ARL9: variants seen among roughly 807,000 people sequenced by gnomAD.
ARL9 encodes ADP-ribosylation factor-like protein 9.
ARL9 carries 14 observed loss-of-function variants against 27.0 expected under a neutral mutation model. That is an observed-to-expected ratio of 0.52 (90% CI 0.34 to 0.81). ARL9 has a LOEUF of 0.81. ARL9 is among the 30% of genes least tolerant of loss of function. ARL9 has a pLI of 0.01. For synonymous variants in ARL9, 106 were observed against 108.7 expected (o/e 0.98, Z 0.15); for missense variants, 294 against 290.0 (o/e 1.01, Z -0.10).
chr4:56,506,324 C>T (rs1437344518), intron 1 of ARL9, among the ~76,000 whole-genome samples, 183 bp downstream of exon 1: 4 of 152,156 alleles, frequency 2.6e-5, no homozygotes, highest in Non-Finnish European at 4.4e-5. Context: ...CCCCTTTTCC[C>T]GGGCCCCCTG....
At chr4:56,512,747 G>A (rs1187849627) in intron 2 of ARL9, among the ~76,000 whole-genome samples, 1 of 151,776 alleles carries the variant, frequency 6.6e-6, no homozygotes, top group Non-Finnish European at 1.5e-5. Flanking sequence ...TCACCATGTT[G>A]GCCAGGCTGG....
chr4:56,519,340 G>A (rs754420171), intron 3 of ARL9, among the ~76,000 whole-genome samples: 3 of 152,170 alleles, frequency 2.0e-5, no homozygotes, highest in Non-Finnish European at 2.9e-5. Context: ...GGCTGGGCAC[G>A]GTGGCTCACG....
Position 56,506,040 on chromosome 4 carries a change from C to A in ARL9, c.178C>A (p.Gln60Lys). The change falls in exon 1 of 4, where the codon CAA (glutamine) becomes AAA (lysine). Residue 60 changes from glutamine (Q) to lysine (K), a missense_variant. Physicochemically the swap from Gln to Lys is moderately conservative, Grantham distance 53 (BLOSUM62 1). Transcript: ENST00000640821. ...GKEKEEKRTK[Q>K]GKETNKEKEQ... Reference sequence around the variant, plus strand: ...AGAGAAAGAGGAAAAGAGGACAAAGCAAGGGAAGGAGACAAACAAAGAGAA... The same window carrying A: ...AGAGAAAGAGGAAAAGAGGACAAAGAAAGGGAAGGAGACAAACAAAGAGAA... The A allele has an allele frequency of 8.1e-7, 1 of 1,228,512 alleles. No individual in the cohort carries two copies. Among genetic ancestry groups the A allele is most frequent in the Non-Finnish European group, 1.0e-6 (1 of 983,974 alleles). 76.1% of individuals were successfully genotyped at this position (1,228,512 alleles called of 1,614,324 possible). A position where few individuals can be genotyped will look rare whatever the true frequency, so the allele number is the denominator to read the frequency against.
In ARL9 at chr4:56,523,912, A is replaced by G; in HGVS notation, c.*36A>G. On this transcript the variant is annotated 3_prime_UTR_variant, in exon 4 of 4. Coordinates refer to ENST00000640821, the MANE Select transcript of ARL9 (RefSeq NM_001363794.2). ...GCCCACTGTGCGGCTCACGACTGAG[A>G]TGTCATCAGTGTTGAATGGCAGGCT... 1.3e-6 allele frequency: 2 copies of G among 1,575,854 alleles called. No homozygotes were observed. Among genetic ancestry groups the G allele is most frequent in the Non-Finnish European group, 8.6e-7 (1 of 1,160,584 alleles).
Position 56,510,774 on chromosome 4 carries a change from CTT to C in ARL9, c.280-397_280-396del, listed in dbSNP as rs11320889. Among the ~76,000 whole-genome samples the C allele has an allele frequency of 1.4e-3, 198 of 140,234 alleles. 1 individual carries two copies. The highest frequency in any genetic ancestry group is 1.6e-3 in the Non-Finnish European group (104 of 64,320). 92.0% of individuals were successfully genotyped at this position (140,234 alleles called of 152,430 possible). On this transcript the variant is annotated intron_variant, in intron 1 of 3. Coordinates refer to ENST00000640821, the MANE Select transcript of ARL9 (RefSeq NM_001363794.2). ...ATAAAATATTCGTGAAGTTTTATCC[CTT>C]TTTTTTTTTTTTTGGAGACAGGGTC... is the stretch of plus-strand genomic sequence containing the variant.
chr4:56,505,593 C>G (rs1721429603), upstream of ARL9: 3 of 594,090 alleles, frequency 5.0e-6, no homozygotes, highest in Non-Finnish European at 9.2e-6. Flanking sequence ...CTCTTGGTTT[C>G]GCTTGGCTGG....
intron 1 of ARL9, among the ~76,000 whole-genome samples, chr4:56,508,663 G>A (rs970877367): frequency 5.3e-5 from 8 of 152,156 alleles, no homozygotes; most frequent in Non-Finnish European, 8.8e-5. Flanking sequence ...TGGGATTACA[G>A]GTAAGAGCCA....
chr4:56,505,417 C>G (rs760788046), upstream of ARL9: 6 of 458,170 alleles, frequency 1.3e-5, no homozygotes, highest in South Asian at 6.2e-5. Flanking sequence ...ACAGGCTGGC[C>G]GGTCTCGGGA....
intron 1 of ARL9, among the ~76,000 whole-genome samples, chr4:56,508,992 C>G (rs1721546926): frequency 6.6e-6 from 1 of 152,046 alleles, no homozygotes. Context: ...TTAGTAGGAT[C>G]TTTGAGAAGT....
At chr4:56,519,597 C>CAA (rs994851689) in intron 3 of ARL9, among the ~76,000 whole-genome samples, 6 of 146,178 alleles carry the variant, frequency 4.1e-5, no homozygotes, top group African/African-American at 1.5e-4. Flanking sequence ...GCGACAGGCT[C>CAA]AAAAAAAAAA....
chr4:56,509,214 T>C (rs954211138), intron 1 of ARL9, among the ~76,000 whole-genome samples: 5 of 150,722 alleles, frequency 3.3e-5, no homozygotes, highest in African/African-American at 9.7e-5. Context: ...TTTTTTGTTT[T>C]TTTTTTTTGG....
chr4:56,513,410 T>C (rs926392524), intron 2 of ARL9, among the ~76,000 whole-genome samples: 6 of 152,260 alleles, frequency 3.9e-5, no homozygotes, highest in African/African-American at 1.4e-4. Flanking sequence ...TAAAAAATTC[T>C]TGTAGTTTAT....
At chr4:56,514,586 CA>C (rs1450904003) in intron 2 of ARL9, among the ~76,000 whole-genome samples, 1 of 152,038 alleles carries the variant, frequency 6.6e-6, no homozygotes, top group African/African-American at 2.4e-5. Context: ...GGATAAGTGG[CA>C]AAAATCCTCC....
chr4:56,505,377 C>G (rs1435015591), upstream of ARL9: 1 of 457,138 alleles, frequency 2.2e-6, no homozygotes, highest in Non-Finnish European at 4.4e-6. Context: ...CCCGGAACCT[C>G]TGGATTCTGA....
intron 1 of ARL9, chr4:56,506,539 T>C: frequency 3.6e-6 from 3 of 835,692 alleles, no homozygotes; most frequent in Non-Finnish European, 4.3e-6. Flanking sequence ...AGGCCCTCTT[T>C]GCATTGAATG....
chr4:56,508,576 G>T lies in ARL9; in HGVS notation c.279+2435G>T, dbSNP rs558084233. On this transcript the variant is annotated intron_variant, in intron 1 of 3. Transcript: ENST00000640821. Reference sequence around the variant, plus strand: ...TAATTTTGTATTTTTACTAGAGACCGGATTTCACCATGTTGGTCAGGCTGG... The same window carrying T: ...TAATTTTGTATTTTTACTAGAGACCTGATTTCACCATGTTGGTCAGGCTGG... Among the ~76,000 whole-genome samples the T allele has an allele frequency of 3.9e-5, 6 of 152,226 alleles. No homozygotes were observed. In the East Asian group the frequency reaches 9.7e-4, roughly 24 times the overall value.
chr4:56,510,211 G>A (rs922973837), intron 1 of ARL9, among the ~76,000 whole-genome samples: 4 of 151,270 alleles, frequency 2.6e-5, no homozygotes, highest in African/African-American at 7.3e-5. Flanking sequence ...TACAAATTGC[G>A]GAGCGTGGTG....
Position 56,512,114 on chromosome 4 carries a change from C to T in ARL9, c.442+767C>T, listed in dbSNP as rs149897079. 1.1e-3 allele frequency among the ~76,000 whole-genome samples: 168 copies of T among 152,312 alleles called. 1 individual carries two copies. Among genetic ancestry groups the T allele is most frequent in the Non-Finnish European group, 1.9e-3 (132 of 68,026 alleles). On this transcript the variant is annotated intron_variant, in intron 2 of 3. Transcript: ENST00000640821. ...ACACTATGAATTTTGCTATCTCCAA[C>T]GCATCTCTCAAATTCATTGGTTATA...
chr4:56,510,152 G>C (rs1009030238), intron 1 of ARL9, among the ~76,000 whole-genome samples: 1 of 151,820 alleles, frequency 6.6e-6, no homozygotes, highest in South Asian at 2.1e-4. Flanking sequence ...GAGGTCAGGA[G>C]TTCGAGACCA....
Sources: gnomAD v4.1 joint callset for allele counts (sites outside exome capture counted in the v4.1 genomes callset) on GRCh38, gnomAD v4.1.1 for gene constraint, MANE v1.5 for transcripts, NCBI Gene and HGNC (gene_info 2026-07-23, HGNC 2026-07-21) for gene names.